The following CRIM1 variants were observed in gnomAD, a reference collection of about 807,000 sequenced individuals.
CRIM1 encodes cysteine rich transmembrane BMP regulator 1.
A neutral mutation model predicts 116.4 loss-of-function variants in CRIM1; 32 were observed. The observed-to-expected ratio is 0.27, with a 90% CI of 0.21 to 0.37. CRIM1 has a LOEUF of 0.37. Ranked by LOEUF, CRIM1 falls within the 10% of genes least tolerant of loss-of-function variation. CRIM1 has a pLI of 1.00. For missense variants in CRIM1, 1,331 were observed against 1,354.8 expected (o/e 0.98, Z 0.28); for synonymous variants, 590 against 509.2 (o/e 1.16, Z -2.13).
At chr2:36,507,060 A>T (rs1393002588) in intron 8 of CRIM1, among the ~76,000 whole-genome samples, 1 of 151,978 alleles carries the variant, frequency 6.6e-6, no homozygotes, top group African/African-American at 2.4e-5. Context: ...AGGTCTCACT[A>T]TGTTGCACAG....
chr2:36,356,058 G>A lies in CRIM1; in HGVS notation c.-235G>A, dbSNP rs933085982. 1.3e-5 allele frequency: 2 copies of A among 154,130 alleles called. No homozygotes were observed. Among genetic ancestry groups the A allele is most frequent in the African/African-American group, 4.8e-5 (2 of 41,354 alleles). 9.5% of individuals were successfully genotyped at this position (154,130 alleles called of 1,614,324 possible). ...TCCCTCCCGGGAGGAGGAGGAGGAGGAGGAGGGGAAGCTGCCGCCGGCGCC... is the reference window on the plus strand; with the variant it reads ...TCCCTCCCGGGAGGAGGAGGAGGAGAAGGAGGGGAAGCTGCCGCCGGCGCC... On this transcript the variant is annotated 5_prime_UTR_variant, in exon 1 of 17. Coordinates refer to ENST00000280527, the MANE Select transcript of CRIM1 (RefSeq NM_016441.3). The surrounding 1 kb of genome is among the most constrained non-coding windows in gnomAD (Gnocchi z 4.3).
rs34341743 is a variant in CRIM1, at chr2:36,484,334, AT to A, written c.1372+4650del. On this transcript the variant is annotated intron_variant, in intron 7 of 16. Transcript: ENST00000280527. Reference sequence around the variant, plus strand: ...ATTAGATATTGAGAATTATTTGCTGATTTTTTTTTTCAATAATAGCAAGTAT... The same window carrying A: ...ATTAGATATTGAGAATTATTTGCTGATTTTTTTTTCAATAATAGCAAGTAT... Among the ~76,000 whole-genome samples the A allele has an allele frequency of 4.2e-3, 627 of 150,262 alleles. 1 individual carries two copies. Among genetic ancestry groups the A allele is most frequent in the African/African-American group, 0.013 (536 of 40,954 alleles).
intron 1 of CRIM1, among the ~76,000 whole-genome samples, chr2:36,377,840 G>A (rs1270897859): frequency 6.6e-6 from 1 of 152,170 alleles, no homozygotes; most frequent in Non-Finnish European, 1.5e-5. Context: ...TAGGCCTGAA[G>A]ACATTTACTC....
intron 1 of CRIM1, among the ~76,000 whole-genome samples, chr2:36,376,553 A>T (rs749674105): frequency 7.9e-5 from 12 of 152,148 alleles, no homozygotes; most frequent in Admixed American, 4.6e-4. Flanking sequence ...GAGAAGGTGT[A>T]AACATAGTTT....
chr2:36,499,178 CAT>C (rs747574530), intron 7 of CRIM1, 39 bp from the exon 8 acceptor site: 44 of 1,506,656 alleles, frequency 2.9e-5, no homozygotes, highest in Non-Finnish European at 4.1e-5. Flanking sequence ...AAAAGGTAAT[CAT>C]ATGTTTCATT....
At chr2:36,531,635 T>G (rs960324033) in intron 13 of CRIM1, among the ~76,000 whole-genome samples, 1 of 152,186 alleles carries the variant, frequency 6.6e-6, no homozygotes, top group Non-Finnish European at 1.5e-5. Flanking sequence ...TCTTCTTTTC[T>G]TATCTTGAAA....
rs114470832 is a variant in CRIM1, at chr2:36,463,358, G to A, written c.870-1176G>A. On this transcript the variant is annotated intron_variant, in intron 4 of 16. Coordinates refer to ENST00000280527, the MANE Select transcript of CRIM1 (RefSeq NM_016441.3). Reference sequence around the variant, plus strand: ...ACAAACCAATTACTTAAATAAGAAGGGGGGACAAAAGCACAATTAATGAAT... The same window carrying A: ...ACAAACCAATTACTTAAATAAGAAGAGGGGACAAAAGCACAATTAATGAAT... 4.4e-3 allele frequency among the ~76,000 whole-genome samples: 670 copies of A among 152,258 alleles called. 6 individuals carry two copies. The highest frequency in any genetic ancestry group is 0.016 in the African/African-American group (650 of 41,524).
intron 5 of CRIM1, among the ~76,000 whole-genome samples, chr2:36,472,750 G>C (rs371751247): frequency 4.6e-5 from 7 of 152,192 alleles, no homozygotes; most frequent in Admixed American, 2.6e-4. Context: ...CATTTTGTTA[G>C]AGTACAGTAT....
chr2:36,549,755 C>G lies in CRIM1; in HGVS notation c.*1054C>G, dbSNP rs2125206002. 1 of 152,240 alleles carries G rather than the reference C, an allele frequency of 6.6e-6. No individual in the cohort carries two copies. The highest frequency in any genetic ancestry group is 2.4e-5 in the African/African-American group (1 of 41,426). The allele number at this position is 152,240 out of a possible 1,614,324, so 9.4% of individuals were successfully genotyped here. A position where few individuals can be genotyped will look rare whatever the true frequency, so the allele number is the denominator to read the frequency against. ...TTGAAGCTCAAAAAAAATGATGCCT[C>G]TTTAAACTTTAGCAATTATAGGAGT... On this transcript the variant is annotated 3_prime_UTR_variant, in exon 17 of 17. Coordinates refer to ENST00000280527, the MANE Select transcript of CRIM1 (RefSeq NM_016441.3).
intron 5 of CRIM1, among the ~76,000 whole-genome samples, chr2:36,465,267 A>G (rs1034809334): frequency 1.3e-5 from 2 of 152,114 alleles, no homozygotes; most frequent in African/African-American, 4.8e-5. Flanking sequence ...TCTCCCTTTC[A>G]CTTTATATGG....
intron 1 of CRIM1, among the ~76,000 whole-genome samples, chr2:36,374,626 T>A (rs1047261911): frequency 6.6e-6 from 1 of 152,192 alleles, no homozygotes; most frequent in African/African-American, 2.4e-5. Flanking sequence ...GCAGTGTTAC[T>A]CCTCATTTCC....
At chr2:36,378,875 T>C (rs1327044652) in intron 1 of CRIM1, 1 of 147,964 alleles carries the variant, frequency 6.8e-6, no homozygotes, top group Non-Finnish European at 1.5e-5. Flanking sequence ...GGTGATCATA[T>C]CTACAAAGGT....
At chr2:36,474,062 A>C (rs1375596164) in intron 5 of CRIM1, among the ~76,000 whole-genome samples, 1 of 152,150 alleles carries the variant, frequency 6.6e-6, no homozygotes, top group African/African-American at 2.4e-5. Context: ...AATGGTGTTC[A>C]TTGCAGCTTA....
intron 2 of CRIM1, among the ~76,000 whole-genome samples, chr2:36,429,389 A>G (rs1316000615): frequency 6.6e-6 from 1 of 152,150 alleles, no homozygotes; most frequent in Non-Finnish European, 1.5e-5. Context: ...AAGCCTCAAC[A>G]GTTTGCCTGT....
chr2:36,482,165 C>G (rs1012096894), intron 7 of CRIM1, among the ~76,000 whole-genome samples: 6 of 152,144 alleles, frequency 3.9e-5, no homozygotes, highest in Admixed American at 1.3e-4. Context: ...TGCTCTGGCT[C>G]TGATCTCTCA....
chr2:36,491,377 A>G (rs953980446), intron 7 of CRIM1, among the ~76,000 whole-genome samples: 8 of 152,310 alleles, frequency 5.3e-5, no homozygotes, highest in African/African-American at 1.9e-4. Flanking sequence ...CAGGTTTACA[A>G]CAGCCTTAAG....
intron 14 of CRIM1, among the ~76,000 whole-genome samples, chr2:36,544,173 A>C (rs952799312): frequency 1.3e-5 from 2 of 152,198 alleles, no homozygotes; most frequent in African/African-American, 4.8e-5. Context: ...TTCATCTTTT[A>C]AATGTTATAA....
At chr2:36,448,032 C>T (rs563058371) in intron 4 of CRIM1, among the ~76,000 whole-genome samples, 6 of 152,300 alleles carry the variant, frequency 3.9e-5, no homozygotes, top group East Asian at 1.9e-4. Flanking sequence ...TCTGAGCCAC[C>T]GCTTCAGCTT....
At chr2:36,409,418 A>C (rs1558551940) in intron 2 of CRIM1, among the ~76,000 whole-genome samples, 1 of 152,238 alleles carries the variant, frequency 6.6e-6, no homozygotes, top group Non-Finnish European at 1.5e-5. Context: ...ATTGAATTCA[A>C]TCCAGAAAGA....
Sources: gnomAD v4.1 joint callset for allele counts (sites outside exome capture counted in the v4.1 genomes callset) on GRCh38, gnomAD v4.1.1 for gene constraint, Gnocchi (gnomAD v3.1) non-coding constraint, MANE v1.5 for transcripts, NCBI Gene and HGNC (gene_info 2026-07-23, HGNC 2026-07-21) for gene names.